The following FAM178B variants were observed in gnomAD, a reference collection of about 807,000 sequenced individuals.
FAM178B encodes family with sequence similarity 178 member B.
In FAM178B, 82 loss-of-function variants were observed where a neutral mutation model predicts 91.7. The ratio of observed to expected loss-of-function variants is 0.89; its 90% CI spans 0.75 to 1.07. The LOEUF (loss-of-function observed/expected upper bound fraction) is 1.07, where lower values mean the gene tolerates loss of function less well. Among genes scored for constraint, FAM178B ranks in the 50% least tolerant of loss-of-function variants. The probability of loss-of-function intolerance (pLI) is 0.00; values close to 1 mark genes in which losing one functional copy is unlikely to be tolerated. For synonymous variants in FAM178B, 368 were observed against 359.4 expected, an observed-to-expected ratio of 1.02 and a Z score of -0.27; for missense variants, 769 against 846.7, an observed-to-expected ratio of 0.91 and a Z score of 1.14.
intron 12 of FAM178B, among the ~76,000 whole-genome samples, chr2:96,907,285 A>G (rs2081074830): frequency 6.6e-6 from 1 of 152,096 alleles, no homozygotes; most frequent in Admixed American, 6.5e-5. Flanking sequence ...TTTTTATTTT[A>G]CAGACTGAGA....
At chr2:96,927,097 TGCATC>T (rs1027203047) in intron 9 of FAM178B, among the ~76,000 whole-genome samples, 90 of 152,334 alleles carry the variant, frequency 5.9e-4, no homozygotes, top group Admixed American at 7.8e-4. Context: ...TTGTGGCCCA[TGCATC>T]CATGAAGGAT....
intron 5 of FAM178B, among the ~76,000 whole-genome samples, chr2:96,960,842 T>C (rs2082069812): frequency 6.6e-6 from 1 of 151,906 alleles, no homozygotes; most frequent in African/African-American, 2.4e-5. Flanking sequence ...ACAGGGCGGC[T>C]CCATAAGGGC....
At position 96,923,595 on chromosome 2, in the gene FAM178B, C is replaced by T. The variant is rs745697560; in HGVS notation, c.1194-12G>A. ...CGCCTGGAAGCACCCTGTGGTAAGA[C>T]AACAACAGTGACGATGGGAAACCCA... On this transcript the variant is annotated splice_polypyrimidine_tract_variant and intron_variant, in intron 9 of 16. Coordinates refer to ENST00000490605, the MANE Select transcript of FAM178B (RefSeq NM_001122646.3). 3.0e-5 allele frequency: 46 copies of T among 1,549,440 alleles called. No individual in the cohort carries two copies. The South Asian group carries it at 5.2e-4, about 18-fold the overall frequency.
rs1304577478 is a variant in FAM178B at position 96,977,439 on chromosome 2, G to A, written c.74-4833C>T. 8.8e-5 allele frequency among the ~76,000 whole-genome samples: 13 copies of A among 147,604 alleles called. No individual in the cohort carries two copies. In the East Asian group the frequency reaches 1.8e-3, roughly 20 times the overall value. On this transcript the variant is annotated intron_variant, in intron 1 of 16. Transcript: ENST00000490605. ...AACAAAAAGAAAAACGTGAACGACC[G>A]TGCCTTTTGGGAATTTTTTTTTTTT... is the stretch of plus-strand genomic sequence containing the variant.
intron 8 of FAM178B, among the ~76,000 whole-genome samples, chr2:96,940,086 G>A (rs1006250841): frequency 5.9e-5 from 9 of 152,134 alleles, no homozygotes; most frequent in African/African-American, 1.9e-4. Context: ...GTGTTTTCCT[G>A]CCCATTTGGG....
At chr2:96,951,721 G>A in intron 6 of FAM178B, 3 of 464,784 alleles carry the variant, frequency 6.5e-6, no homozygotes, top group East Asian at 4.1e-5. Flanking sequence ...ACCTCATGGT[G>A]TTTAAAACAC....
intron 12 of FAM178B, among the ~76,000 whole-genome samples, chr2:96,914,460 G>C: frequency 6.6e-6 from 1 of 152,244 alleles, no homozygotes; most frequent in Non-Finnish European, 1.5e-5. Context: ...CCACCTTAAA[G>C]ACTCCAGGCT....
intron 8 of FAM178B, among the ~76,000 whole-genome samples, chr2:96,934,374 G>C (rs1199665946): frequency 6.6e-6 from 1 of 152,212 alleles, no homozygotes; most frequent in East Asian, 1.9e-4. Flanking sequence ...GGGGCTGGAG[G>C]TGAGGATGGA....
intron 12 of FAM178B, among the ~76,000 whole-genome samples, chr2:96,912,618 C>T (rs1036173437): frequency 2.6e-5 from 4 of 152,150 alleles, no homozygotes; most frequent in Non-Finnish European, 5.9e-5. Context: ...CAGCTCCTGG[C>T]CCTTTAGGTC....
At chr2:96,958,697 TAAAAAAAAAAAAAAAAAAAAAAAAAA>T (rs55924441) in intron 6 of FAM178B, among the ~76,000 whole-genome samples, 17 of 55,538 alleles carry the variant, frequency 3.1e-4, no homozygotes, top group Admixed American at 1.6e-3. Flanking sequence ...CTCAAAATAC[TAAAAAAAAAAAAAAAAAAAAAAAAAA>T]AAAAAAAAAA....
chr2:96,885,799 C>A (rs1476772994), intron 14 of FAM178B, among the ~76,000 whole-genome samples: 1 of 152,012 alleles, frequency 6.6e-6, no homozygotes, highest in Non-Finnish European at 1.5e-5. Context: ...GAGATGTGGA[C>A]CAGAAAACCT....
Position 96,888,310 on chromosome 2 carries a change from C to T in FAM178B, c.1776+5616G>A, listed in dbSNP as rs145541690. 5.5e-3 allele frequency among the ~76,000 whole-genome samples: 841 copies of T among 152,366 alleles called. 3 individuals carry two copies. Among genetic ancestry groups the T allele is most frequent in the Non-Finnish European group, 9.8e-3 (667 of 68,036 alleles). ...AAAACCAGTCGGTTTCCTCCCAGCC[C>T]TCCTGACCTTGGCCTGACCAAGGTC... is the stretch of plus-strand genomic sequence containing the variant. On this transcript the variant is annotated intron_variant, in intron 14 of 16. Coordinates refer to ENST00000490605, the MANE Select transcript of FAM178B (RefSeq NM_001122646.3).
chr2:96,928,304 T>C (rs2153371510), intron 9 of FAM178B, among the ~76,000 whole-genome samples: 1 of 152,072 alleles, frequency 6.6e-6, no homozygotes, highest in South Asian at 2.1e-4. Context: ...CTCAAGAGAG[T>C]TTGGATGTGC....
intron 1 of FAM178B, among the ~76,000 whole-genome samples, chr2:96,981,640 C>G (rs1327475639): frequency 6.7e-6 from 1 of 148,970 alleles, no homozygotes; most frequent in South Asian, 2.1e-4. Context: ...ACTCGGGAGG[C>G]TGAGGCAGGA....
chr2:96,938,795 G>C (rs141945248), intron 8 of FAM178B: 1 of 152,360 alleles, frequency 6.6e-6, no homozygotes, highest in Non-Finnish European at 1.5e-5. Flanking sequence ...CTAAAGCCAC[G>C]AGTGGAAAAG....
chr2:96,913,653 G>A (rs1220682176), intron 12 of FAM178B, among the ~76,000 whole-genome samples: 1 of 152,226 alleles, frequency 6.6e-6, no homozygotes, highest in Non-Finnish European at 1.5e-5. Flanking sequence ...CCATCAGTCA[G>A]TTCCTCCTTG....
chr2:96,894,858 A>G (rs1164483104), intron 13 of FAM178B, among the ~76,000 whole-genome samples: 1 of 31,378 alleles, frequency 3.2e-5, no homozygotes, highest in African/African-American at 1.4e-4. Flanking sequence ...CCCCACACAG[A>G]CCCCCACCCA....
intron 14 of FAM178B, among the ~76,000 whole-genome samples, chr2:96,892,386 T>C (rs2080703633): frequency 6.6e-6 from 1 of 152,194 alleles, no homozygotes; most frequent in African/African-American, 2.4e-5. Context: ...GCCTCTCCAC[T>C]GCCCTGGACC....
rs775842387 is a variant in FAM178B, at chr2:96,893,946, T to C, written c.1756A>G (p.Ser586Gly). 1.9e-6 allele frequency: 3 copies of C among 1,612,642 alleles called. No homozygotes were observed. The African/African-American group carries it at 4.0e-5, about 22-fold the overall frequency. Residue 586 changes from serine (S) to glycine (G), a missense_variant, in exon 14 of 17, where the codon AGT (serine) becomes GGT (glycine). Ser to Gly is a moderately conservative substitution (Grantham distance 56). Transcript: ENST00000490605. ...PPCQEQQPKA[S>G]AELDHKACYL... is the part of the protein sequence containing the mutation. ...CTCACCTTGTGGTCTAGCTCGGCAC[T>C]AGCCTTTGGCTGTTGCTCCTGGCAG... is the stretch of plus-strand genomic sequence containing the variant.
Sources: allele counts gnomAD v4.1 joint callset (sites outside exome capture counted in the v4.1 genomes callset), GRCh38; gene constraint gnomAD v4.1.1; transcripts MANE v1.5; gene names NCBI Gene and HGNC (gene_info 2026-07-23, HGNC 2026-07-21).